The following COG5 variants were observed in gnomAD, a reference collection of about 807,000 sequenced individuals.
COG5 encodes the protein conserved oligomeric Golgi complex subunit 5.
A neutral mutation model predicts 110.4 loss-of-function variants in COG5; 86 were observed. The observed-to-expected ratio is 0.78, with a 90% CI of 0.65 to 0.93. COG5 has a LOEUF of 0.93. COG5 is among the 40% of genes least tolerant of loss of function. COG5 has a pLI of 0.00. For synonymous variants in COG5, 360 were observed against 334.6 expected, an observed-to-expected ratio of 1.08 and a Z score of -0.83; for missense variants, 1,077 against 987.0, an observed-to-expected ratio of 1.09 and a Z score of -1.22.
At chr7:107,204,512 C>T (rs1252823603) in intron 21 of COG5, among the ~76,000 whole-genome samples, 1 of 152,034 alleles carries the variant, frequency 6.6e-6, no homozygotes, top group African/African-American at 2.4e-5. Flanking sequence ...ACATTTTTGT[C>T]ATATTTTCTT....
At chr7:107,461,013 A>C (rs2129100786) in intron 6 of COG5, among the ~76,000 whole-genome samples, 1 of 152,266 alleles carries the variant, frequency 6.6e-6, no homozygotes, top group South Asian at 2.1e-4. Flanking sequence ...GAATTTTATT[A>C]AACATTTAAG....
chr7:107,295,060 C>CATATATATATATAT (rs1806582469), intron 12 of COG5, among the ~76,000 whole-genome samples: 1 of 56,392 alleles, frequency 1.8e-5, no homozygotes, highest in African/African-American at 1.3e-4. Context: ...CACACACACA[C>CATATATATATATAT]ACACACATAT....
Position 107,412,590 on chromosome 7 carries a change from A to G in COG5, c.581T>C (p.Ile194Thr), listed in dbSNP as rs2129067238. 6.3e-7 allele frequency: 1 copy of G among 1,585,354 alleles called. No individual in the cohort carries two copies. The highest frequency in any genetic ancestry group is 1.3e-5 in the African/African-American group (1 of 74,356). ...QGIDLSGIEV[I>T]ENDLLFIARA... Reference sequence around the variant, plus strand: ...TGCAATAAAAAGTAGATCATTTTCTATCACTTCTATTCCAGAAAGATCTAT... The same window carrying G: ...TGCAATAAAAAGTAGATCATTTTCTGTCACTTCTATTCCAGAAAGATCTAT... Residue 194 changes from isoleucine to threonine, a missense_variant, in exon 7 of 22, where the codon ATA (isoleucine) becomes ACA (threonine). Transcript: ENST00000297135.
At chr7:107,276,684 T>G (rs1440506445) in intron 14 of COG5, among the ~76,000 whole-genome samples, 1 of 152,136 alleles carries the variant, frequency 6.6e-6, no homozygotes, top group African/African-American at 2.4e-5. Flanking sequence ...CTTTCCACTG[T>G]AAGGTCTAGT....
rs141786983 is a variant in COG5 at position 107,454,925 on chromosome 7, A to G, written c.539-42293T>C. 3.3e-5 allele frequency among the ~76,000 whole-genome samples: 5 copies of G among 152,316 alleles called. No homozygotes were observed. The East Asian group carries it at 7.7e-4, about 23-fold the overall frequency. ...GAAGATTTTTGCTTGAGATGTTCTA[A>G]TATGTCTTAATATGTTGTCATTGGA... On this transcript the variant is annotated intron_variant, in intron 6 of 21. Coordinates refer to ENST00000297135, the MANE Select transcript of COG5 (RefSeq NM_006348.5).
chr7:107,518,061 A>G (rs6976759), intron 6 of COG5, among the ~76,000 whole-genome samples: 19,123 of 152,100 alleles, frequency 0.13, 1,507 homozygotes, highest in Non-Finnish European at 0.17. Flanking sequence ...AAGCTTCATG[A>G]ACAAAGCAGA....
At chr7:107,551,805 T>C (rs1802909437) in intron 3 of COG5, among the ~76,000 whole-genome samples, 1 of 152,132 alleles carries the variant, frequency 6.6e-6, no homozygotes, top group Admixed American at 6.5e-5. Flanking sequence ...TTTATAGAGA[T>C]AGAGTCTCAT....
At chr7:107,494,720 A>T (rs1463020062) in intron 6 of COG5, among the ~76,000 whole-genome samples, 1 of 152,200 alleles carries the variant, frequency 6.6e-6, no homozygotes, top group Non-Finnish European at 1.5e-5. Flanking sequence ...TTTGAAGGCG[A>T]CAGAAATAAC....
Position 107,527,245 on chromosome 7 carries a change from T to C in COG5, c.530A>G (p.Asn177Ser), listed in dbSNP as rs1466497522. 46 of 1,585,942 alleles carry C rather than the reference T, an allele frequency of 2.9e-5. No homozygotes were observed. The highest frequency in any genetic ancestry group is 3.8e-5 in the Non-Finnish European group (44 of 1,163,630). Residue 177 changes from asparagine to serine, a missense_variant, in exon 6 of 22, where the codon AAT becomes AGT. Physicochemically the swap from Asn to Ser is conservative, Grantham distance 46. Transcript: ENST00000297135. ...REITKAAQSL[N>S]ELDYLSQGID... ...AAAAAAAAAAAACTTACCAAGTTCA[T>C]TGAGACTCTGAGCAGCTTTTGTTAT...
chr7:107,347,352 G>C (rs926990904), intron 10 of COG5, among the ~76,000 whole-genome samples: 1 of 152,204 alleles, frequency 6.6e-6, no homozygotes, highest in African/African-American at 2.4e-5. Context: ...GGATGAGAGA[G>C]AGAGAATGAA....
intron 6 of COG5, among the ~76,000 whole-genome samples, chr7:107,485,824 A>G (rs1310699681): frequency 1.3e-5 from 2 of 152,226 alleles, no homozygotes; most frequent in African/African-American, 2.4e-5. Flanking sequence ...ACAAAGCAAA[A>G]TATCATAAGA....
intron 6 of COG5, among the ~76,000 whole-genome samples, chr7:107,419,931 G>A (rs1282161415): frequency 6.6e-6 from 1 of 152,154 alleles, no homozygotes; most frequent in Non-Finnish European, 1.5e-5. Context: ...TCATGTAACA[G>A]AATAACCATA....
chr7:107,508,346 T>A (rs530745623), intron 6 of COG5, among the ~76,000 whole-genome samples: 1 of 152,208 alleles, frequency 6.6e-6, no homozygotes, highest in African/African-American at 2.4e-5. Context: ...GCGCCTGCCA[T>A]TGCCCAGGCT....
intron 6 of COG5, among the ~76,000 whole-genome samples, chr7:107,516,329 A>G (rs1046611775): frequency 1.3e-5 from 2 of 152,058 alleles, no homozygotes; most frequent in African/African-American, 2.4e-5. Context: ...TGGAGTTCCT[A>G]TTAAGTTTTG....
intron 19 of COG5, among the ~76,000 whole-genome samples, chr7:107,223,597 G>A (rs1259522627): frequency 6.6e-6 from 1 of 152,202 alleles, no homozygotes; most frequent in Non-Finnish European, 1.5e-5. Flanking sequence ...TTCAGCAGCA[G>A]GAGGTGGCCA....
chr7:107,510,163 CAG>C (rs1319091157), intron 6 of COG5, among the ~76,000 whole-genome samples: 2 of 151,946 alleles, frequency 1.3e-5, no homozygotes, highest in Non-Finnish European at 2.9e-5. Flanking sequence ...ATCTCACGTG[CAG>C]AGACACACAT....
intron 6 of COG5, among the ~76,000 whole-genome samples, chr7:107,434,766 C>G (rs1472262690): frequency 2.0e-5 from 3 of 151,842 alleles, no homozygotes; most frequent in Non-Finnish European, 2.9e-5. Context: ...GTCAGGAGAT[C>G]AAGACCATCC....
At chr7:107,457,597 T>C (rs1223752417) in intron 6 of COG5, among the ~76,000 whole-genome samples, 2 of 151,812 alleles carry the variant, frequency 1.3e-5, no homozygotes, top group Non-Finnish European at 2.9e-5. Context: ...CCCGGCTAAT[T>C]TTTTGTATTT....
intron 7 of COG5, among the ~76,000 whole-genome samples, chr7:107,380,330 A>C (rs1013380042): frequency 3.3e-5 from 5 of 152,198 alleles, no homozygotes; most frequent in African/African-American, 4.8e-5. Flanking sequence ...GAACTGAAGG[A>C]GATACAGACA....
Sources: gnomAD v4.1 joint callset for allele counts (sites outside exome capture counted in the v4.1 genomes callset) on GRCh38, gnomAD v4.1.1 for gene constraint, MANE v1.5 for transcripts, NCBI Gene and HGNC (gene_info 2026-07-23, HGNC 2026-07-21) for gene names.